The following GALNT13 variants were observed in gnomAD, a reference collection of about 807,000 sequenced individuals.
GALNT13 encodes UDP-GalNAc:polypeptide N-acetylgalactosaminyltransferase 13.
In GALNT13, 28 loss-of-function variants were observed where a neutral mutation model predicts 64.2. The observed-to-expected ratio is 0.44, with a 90% CI of 0.32 to 0.60. GALNT13 has a LOEUF of 0.60. Among genes scored for constraint, GALNT13 ranks in the 20% least tolerant of loss-of-function variants. The pLI, the probability that GALNT13 is intolerant of heterozygous loss-of-function variation, is 0.05. For synonymous variants in GALNT13, 214 were observed against 224.6 expected (o/e 0.95, Z 0.42); for missense variants, 577 against 669.8 (o/e 0.86, Z 1.53).
intron 3 of GALNT13, among the ~76,000 whole-genome samples, chr2:154,109,898 T>G (rs1702837529): frequency 6.6e-6 from 1 of 152,036 alleles, no homozygotes; most frequent in Admixed American, 6.6e-5. Context: ...TGCATCTGTA[T>G]TCTTCAAGTA....
the GALNT13 span, among the ~76,000 whole-genome samples, chr2:153,360,345 G>A: frequency 6.6e-6 from 1 of 152,196 alleles, no homozygotes; most frequent in Non-Finnish European, 1.5e-5. Flanking sequence ...AAACCACAGA[G>A]CCACGCAGAT....
At chr2:153,109,198 T>C in the GALNT13 span, among the ~76,000 whole-genome samples, 2 of 152,086 alleles carry the variant, frequency 1.3e-5, no homozygotes, top group South Asian at 2.1e-4. Context: ...ATTCTAAAGA[T>C]GAAAAAACTG....
chr2:154,206,480 A>G (rs965421348), intron 4 of GALNT13, among the ~76,000 whole-genome samples: 1 of 151,956 alleles, frequency 6.6e-6, no homozygotes, highest in Admixed American at 6.6e-5. Flanking sequence ...TAGGTTTGGA[A>G]TCACAGTTAT....
At chr2:154,002,293 AG>A (rs1386468961) in intron 3 of GALNT13, among the ~76,000 whole-genome samples, 1 of 152,002 alleles carries the variant, frequency 6.6e-6, no homozygotes, top group Non-Finnish European at 1.5e-5. Flanking sequence ...CTTCAGTAAT[AG>A]AAAGGTTTAT....
At chr2:153,174,746 C>T in the GALNT13 span, among the ~76,000 whole-genome samples, 2 of 152,144 alleles carry the variant, frequency 1.3e-5, no homozygotes, top group Non-Finnish European at 2.9e-5. Context: ...ATCACATTTC[C>T]TCTAGTCTCC....
chr2:153,250,055 A>G, the GALNT13 span, among the ~76,000 whole-genome samples: 1 of 152,234 alleles, frequency 6.6e-6, no homozygotes, highest in Non-Finnish European at 1.5e-5. Context: ...ATTAAGCTAA[A>G]GAGCTTCTGC....
the GALNT13 span, among the ~76,000 whole-genome samples, chr2:153,528,979 C>A: frequency 4.4e-4 from 66 of 151,606 alleles, 1 homozygote; most frequent in East Asian, 0.012. Flanking sequence ...ATTAGAAAAA[C>A]TTCAAATAAA....
intron 3 of GALNT13, among the ~76,000 whole-genome samples, chr2:154,087,867 A>T: frequency 6.6e-6 from 1 of 152,232 alleles, no homozygotes; most frequent in Non-Finnish European, 1.5e-5. Context: ...AAGAAAAGTT[A>T]TAAGGTTTAA....
At chr2:153,864,233 T>C in the GALNT13 span, among the ~76,000 whole-genome samples, 1 of 152,178 alleles carries the variant, frequency 6.6e-6, no homozygotes, top group East Asian at 1.9e-4. Context: ...GAAATATCAT[T>C]GTGGGCTGAA....
intron 8 of GALNT13, among the ~76,000 whole-genome samples, chr2:154,281,637 A>G (rs556976325): frequency 2.0e-5 from 3 of 152,114 alleles, no homozygotes; most frequent in Non-Finnish European, 4.4e-5. Flanking sequence ...TCTGGTTTTG[A>G]GAGGAGTGGG....
chr2:153,410,775 A>G, the GALNT13 span, among the ~76,000 whole-genome samples: 6 of 152,132 alleles, frequency 3.9e-5, no homozygotes, highest in Non-Finnish European at 7.4e-5. Flanking sequence ...TAAGCCATAT[A>G]TAGTGTATTG....
chr2:153,204,210 A>T, the GALNT13 span, among the ~76,000 whole-genome samples: 1 of 152,190 alleles, frequency 6.6e-6, no homozygotes, highest in African/African-American at 2.4e-5. Flanking sequence ...GAGCTGCCTC[A>T]AGTTGCTCTT....
chr2:153,193,206 C>T, the GALNT13 span, among the ~76,000 whole-genome samples: 1 of 151,592 alleles, frequency 6.6e-6, no homozygotes, highest in Non-Finnish European at 1.5e-5. Flanking sequence ...ACCCAAATGT[C>T]CAACAATGAT....
chr2:153,412,311 G>T, the GALNT13 span, among the ~76,000 whole-genome samples: 1 of 152,128 alleles, frequency 6.6e-6, no homozygotes, highest in African/African-American at 2.4e-5. Context: ...TCACTTACTA[G>T]CTGTGTGATT....
intron 1 of GALNT13, among the ~76,000 whole-genome samples, chr2:153,880,339 A>T (rs1033833911): frequency 6.6e-6 from 1 of 152,138 alleles, no homozygotes; most frequent in Non-Finnish European, 1.5e-5. Flanking sequence ...AATACACTAA[A>T]ATAATCTTGT....
the GALNT13 span, among the ~76,000 whole-genome samples, chr2:153,439,311 C>G: frequency 6.6e-6 from 1 of 152,184 alleles, no homozygotes; most frequent in African/African-American, 2.4e-5. Flanking sequence ...AGATCTCCAG[C>G]TGCGTGCTGG....
the GALNT13 span, among the ~76,000 whole-genome samples, chr2:153,486,653 A>G: frequency 4.6e-5 from 7 of 152,238 alleles, no homozygotes; most frequent in South Asian, 2.1e-4. Context: ...CAAAGAAAGC[A>G]TGTAATAACT....
intron 4 of GALNT13, among the ~76,000 whole-genome samples, chr2:154,213,874 G>A (rs1272045739): frequency 6.6e-6 from 1 of 152,048 alleles, no homozygotes; most frequent in Non-Finnish European, 1.5e-5. Context: ...TATCTGATAA[G>A]AGTTAGAGTA....
At chr2:154,262,978 ACCAAAAGT>A (rs1359134425) in intron 8 of GALNT13, among the ~76,000 whole-genome samples, 4 of 152,176 alleles carry the variant, frequency 2.6e-5, no homozygotes, top group African/African-American at 9.6e-5. Context: ...AAGCATCACC[ACCAAAAGT>A]CCTTGTCTTT....
Sources: allele counts gnomAD v4.1 joint callset (sites outside exome capture counted in the v4.1 genomes callset), GRCh38; gene constraint gnomAD v4.1.1; transcripts MANE v1.5; gene names NCBI Gene and HGNC (gene_info 2026-07-23, HGNC 2026-07-21).